Variants in WDFY4 observed in about 807,000 individuals in gnomAD.
WDFY4 encodes WD repeat- and FYVE domain-containing protein 4.
WDFY4 carries 169 observed loss-of-function variants against 351.9 expected under a neutral mutation model. That is an observed-to-expected ratio of 0.48 (90% CI 0.42 to 0.55). The LOEUF is 0.55. WDFY4 is among the 20% of genes least tolerant of loss of function. The pLI, the probability that WDFY4 is intolerant of heterozygous loss-of-function variation, is 0.00. For missense variants in WDFY4, 3,803 were observed against 3,935.6 expected (o/e 0.97, Z 0.90); for synonymous variants, 1,622 against 1,574.6 (o/e 1.03, Z -0.71).
At chr10:48,832,466 C>G in intron 38 of WDFY4, 107 bp from the exon 39 acceptor site, 1 of 1,325,698 alleles carries the variant, frequency 7.5e-7, no homozygotes, top group Non-Finnish European at 9.9e-7. Context: ...TTGGAGGCAA[C>G]CACAGGGGGC....
chr10:48,860,566 A>G lies in WDFY4; in HGVS notation c.6664-6699A>G, dbSNP rs569768220. On this transcript the variant is annotated intron_variant, in intron 39 of 61. Coordinates refer to ENST00000325239, the MANE Select transcript of WDFY4 (RefSeq NM_001394531.1). ...CCCAAATGTCCCACCTCTTAATACC[A>G]TTATGTTGGGAGTTAGGATTTTAAC... Among the ~76,000 whole-genome samples, 5 of 152,322 alleles carry G rather than the reference A, an allele frequency of 3.3e-5. No individual in the cohort carries two copies. The South Asian group carries it at 1.0e-3, about 32-fold the overall frequency.
At chr10:48,705,412 A>T (rs1376319514) in intron 1 of WDFY4, among the ~76,000 whole-genome samples, 4 of 152,118 alleles carry the variant, frequency 2.6e-5, no homozygotes, top group African/African-American at 9.7e-5. Flanking sequence ...CAGTGACCCT[A>T]AGCCCCGATG....
At chr10:48,857,640 A>T (rs2069182463) in intron 39 of WDFY4, among the ~76,000 whole-genome samples, 1 of 152,222 alleles carries the variant, frequency 6.6e-6, no homozygotes, top group Non-Finnish European at 1.5e-5. Flanking sequence ...CCAGTCTATT[A>T]TTAAAAGGCA....
intron 1 of WDFY4, among the ~76,000 whole-genome samples, chr10:48,697,206 A>T (rs937317247): frequency 2.0e-5 from 3 of 152,216 alleles, no homozygotes; most frequent in African/African-American, 7.2e-5. Context: ...TTAGGAGCTA[A>T]TGTCAGGGCT....
intron 44 of WDFY4, among the ~76,000 whole-genome samples, chr10:48,892,081 C>T (rs1784389329): frequency 6.6e-6 from 1 of 152,206 alleles, no homozygotes; most frequent in African/African-American, 2.4e-5. Flanking sequence ...TCTTATTGCT[C>T]ATGTTTTATT....
intron 54 of WDFY4, among the ~76,000 whole-genome samples, chr10:48,965,454 T>C (rs897344037): frequency 6.6e-6 from 1 of 152,240 alleles, no homozygotes; most frequent in Non-Finnish European, 1.5e-5. Flanking sequence ...AAACACTCAT[T>C]GAAAACTCAT....
At chr10:48,864,521 T>G (rs1355225564) in intron 39 of WDFY4, among the ~76,000 whole-genome samples, 6 of 152,216 alleles carry the variant, frequency 3.9e-5, no homozygotes, top group African/African-American at 1.4e-4. Flanking sequence ...CTGTAAGTCT[T>G]TCTACATTCT....
rs1204693742 is a variant in WDFY4 at position 48,777,066 on chromosome 10, T to C, written c.3098+82T>C. 53 of 1,420,578 alleles carry C rather than the reference T, an allele frequency of 3.7e-5. No individual in the cohort carries two copies. The Admixed American group carries it at 1.2e-3, about 31-fold the overall frequency. 88.0% of individuals were successfully genotyped at this position (1,420,578 alleles called of 1,614,324 possible). A position where few individuals can be genotyped will look rare whatever the true frequency, so the allele number is the denominator to read the frequency against. On this transcript the variant is annotated intron_variant, in intron 16 of 61. Coordinates refer to ENST00000325239, the MANE Select transcript of WDFY4 (RefSeq NM_001394531.1). ...ATGAATTATAATATTGATTGCAAAC[T>C]TGTAGTTCCCATTGAATCTCACCAC...
chr10:48,847,585 G>A (rs1402716022), intron 39 of WDFY4, among the ~76,000 whole-genome samples: 1 of 152,072 alleles, frequency 6.6e-6, no homozygotes, highest in South Asian at 2.1e-4. Flanking sequence ...TGAGAATGAG[G>A]CCGACAGAGA....
chr10:48,796,006 G>A (rs902915664), intron 23 of WDFY4, among the ~76,000 whole-genome samples: 3 of 152,132 alleles, frequency 2.0e-5, no homozygotes, highest in African/African-American at 7.2e-5. Context: ...AAAGGACCCA[G>A]TAACAGAAAA....
chr10:48,817,061 C>T (rs942839903), intron 31 of WDFY4, among the ~76,000 whole-genome samples, 184 bp from the exon 32 acceptor site: 4 of 152,248 alleles, frequency 2.6e-5, no homozygotes, highest in South Asian at 2.1e-4. Context: ...GCCCTTACAA[C>T]GTCTGCACAT....
intron 7 of WDFY4, among the ~76,000 whole-genome samples, 162 bp downstream of exon 7, chr10:48,727,821 A>G (rs528343459): frequency 1.3e-5 from 2 of 152,262 alleles, no homozygotes; most frequent in East Asian, 3.9e-4. Context: ...AGGCATGGGG[A>G]CCACTTCCTT....
intron 1 of WDFY4, among the ~76,000 whole-genome samples, chr10:48,703,051 C>G (rs2063523997): frequency 6.6e-6 from 1 of 152,226 alleles, no homozygotes; most frequent in African/African-American, 2.4e-5. Context: ...TCACCTCTGT[C>G]TCTCTCCTCT....
chr10:48,872,424 C>T (rs1445327843), intron 40 of WDFY4, among the ~76,000 whole-genome samples: 2 of 152,212 alleles, frequency 1.3e-5, no homozygotes, highest in East Asian at 1.9e-4. Flanking sequence ...TGGGGATGAT[C>T]GAAAATACTT....
intron 12 of WDFY4, 37 bp from the exon 13 acceptor site, chr10:48,760,310 G>T (rs761157621): frequency 1.1e-5 from 17 of 1,531,268 alleles, no homozygotes; most frequent in South Asian, 1.1e-4. Flanking sequence ...AAACTGGAAG[G>T]TCCGTGTCTC....
chr10:48,807,953 C>G lies in WDFY4; in HGVS notation c.4833C>G (p.Ser1611=). 1 of 1,542,600 alleles carries G rather than the reference C, an allele frequency of 6.5e-7. No individual in the cohort carries two copies. The highest frequency in any genetic ancestry group is 8.7e-7 in the Non-Finnish European group (1 of 1,143,184). ...TATCTTCCCCCCAGCTTCATCTGTC[C>G]TCTGAGTAAGTAGCTCCAGGAAGAG... is the stretch of plus-strand genomic sequence containing the variant. ...SVISSPQLHL[S]SESKEEMFLK... is the part of the protein sequence containing the mutation. Residue 1611 remains serine, a synonymous_variant, in exon 28 of 62, where the codon TCC becomes TCG. Coordinates refer to ENST00000325239, the MANE Select transcript of WDFY4 (RefSeq NM_001394531.1).
At chr10:48,738,976 T>C (rs190293039) in intron 11 of WDFY4, among the ~76,000 whole-genome samples, 1 of 152,218 alleles carries the variant, frequency 6.6e-6, no homozygotes. Context: ...CTGAAGAACA[T>C]GTGACTTCAC....
intron 52 of WDFY4, among the ~76,000 whole-genome samples, chr10:48,957,659 T>C (rs1377470204): frequency 6.6e-6 from 1 of 152,200 alleles, no homozygotes; most frequent in African/African-American, 2.4e-5. Flanking sequence ...TTCCTCCATG[T>C]CCCACAAATG....
At chr10:48,717,230 T>C (rs1406672793) in intron 2 of WDFY4, among the ~76,000 whole-genome samples, 1 of 152,232 alleles carries the variant, frequency 6.6e-6, no homozygotes, top group Non-Finnish European at 1.5e-5. Context: ...CTGTGTATCG[T>C]GGGTTTCATA....
Sources: allele counts gnomAD v4.1 joint callset (sites outside exome capture counted in the v4.1 genomes callset), GRCh38; gene constraint gnomAD v4.1.1; transcripts MANE v1.5; gene names NCBI Gene and HGNC (gene_info 2026-07-23, HGNC 2026-07-21).